The following ABCC5 variants were observed in gnomAD, a reference collection of about 807,000 sequenced individuals.
ABCC5 encodes ATP binding cassette subfamily C member 5, also known as ATP-binding cassette sub-family C member 5.
Under a neutral mutation model 160.9 loss-of-function variants are expected in ABCC5, and 61 were observed. The ratio of observed to expected loss-of-function variants is 0.38; its 90% confidence interval spans 0.31 to 0.47. The LOEUF (loss-of-function observed/expected upper bound fraction) is 0.47. Among genes scored for constraint, ABCC5 ranks in the 20% least tolerant of loss-of-function variants. ABCC5 has a pLI of 0.99. For synonymous variants in ABCC5, 666 were observed against 700.6 expected, an observed-to-expected ratio of 0.95 and a Z score of 0.78; for missense variants, 1,308 against 1,813.3, an observed-to-expected ratio of 0.72 and a Z score of 5.06.
At chr3:183,944,599 A>G (rs1714672498) in intron 24 of ABCC5, among the ~76,000 whole-genome samples, 1 of 152,100 alleles carries the variant, frequency 6.6e-6, no homozygotes, top group African/African-American at 2.4e-5. Flanking sequence ...GAATCTAACT[A>G]CTCATGATGC....
chr3:183,952,039 T>C lies in ABCC5; in HGVS notation c.2668-36A>G, dbSNP rs202111223. On this transcript the variant is annotated intron_variant, in intron 18 of 29. Transcript: ENST00000334444. ...CCAAAGTTCTATGAGGCCAGACTCC[T>C]AACGACTGCCAAGAGCCCCTGCTCA... The C allele has an allele frequency of 1.5e-4, 239 of 1,588,064 alleles. No homozygotes were observed. In the African/African-American group the frequency reaches 2.9e-3, roughly 19 times the overall value.
rs759010023 is a variant in ABCC5, at chr3:183,977,548, G to T, written c.1373C>A (p.Ser458Ter). The T allele has an allele frequency of 6.2e-7, 1 of 1,614,060 alleles. No homozygotes were observed. The highest frequency in any genetic ancestry group is 8.5e-7 in the Non-Finnish European group (1 of 1,179,914). Residue 458 changes from serine (S) to a stop codon, truncating the protein, a stop_gained, in exon 10 of 30, where the codon TCA (serine) becomes TAA (stop). Transcript: ENST00000334444. LOFTEE classifies it high-confidence loss of function. Reference sequence around the variant, plus strand: ...TCTGTCAACAGCCACTGAGGCTTCTGAGAGGGACTTTACTGAAAACGGTGT... The same window carrying T: ...TCTGTCAACAGCCACTGAGGCTTCTTAGAGGGACTTTACTGAAAACGGTGT... ...KVTPFSVKSLSEASVAVDRFK... is the reference protein window; with the variant it reads ...KVTPFSVKSL
Position 183,947,364 on chromosome 3 carries a change from G to A in ABCC5, c.3374C>T (p.Pro1125Leu). 1 of 1,613,634 alleles carries A rather than the reference G, an allele frequency of 6.2e-7. No individual in the cohort carries two copies. Among genetic ancestry groups the A allele is most frequent in the Non-Finnish European group, 8.5e-7 (1 of 1,179,736 alleles). ...GATGGCGAGACCCGCATAGGCTGGG[G>A]GAATCTGCCCGTGCATAAGAACGAT... ...LMIVLMHGQI[P>L]PAYAGLAISY... Residue 1125 changes from proline (P) to leucine (L), a missense_variant, in exon 23 of 30, where the codon CCC becomes CTC. Transcript: ENST00000334444.
In ABCC5 at chr3:183,991,779, T is replaced by G. The variant is rs75393197; in HGVS notation, c.130-2396A>C. Among the ~76,000 whole-genome samples, 912 of 152,328 alleles carry G rather than the reference T, an allele frequency of 6.0e-3. 10 individuals are homozygous for G. Among genetic ancestry groups the G allele is most frequent in the African/African-American group, 0.021 (873 of 41,570 alleles). On this transcript the variant is annotated intron_variant, in intron 2 of 29. Coordinates refer to ENST00000334444, the MANE Select transcript of ABCC5 (RefSeq NM_005688.4). ...GGTTAGGGACTACGGCACTTGATAA[T>G]GAGCTGAGGACTGCTGAGATTTAAG...
In ABCC5 at chr3:184,014,242, ACT is replaced by A. The variant is rs755846368; in HGVS notation, c.129+20_129+21del. 12 of 1,604,598 alleles carry A rather than the reference ACT, an allele frequency of 7.5e-6. No individual in the cohort carries two copies. The East Asian group carries it at 2.5e-4, about 33-fold the overall frequency. ...TTTTAGTACAACAAGCAGGTAAGAG[ACT>A]CTTAGGAAAGGAAACTGACCGGTCG... On this transcript the variant is annotated intron_variant, in intron 2 of 29. Coordinates refer to ENST00000334444, the MANE Select transcript of ABCC5 (RefSeq NM_005688.4).
At chr3:183,994,963 T>TCCTCCCA (rs1454730093) in intron 2 of ABCC5, among the ~76,000 whole-genome samples, 2 of 151,476 alleles carry the variant, frequency 1.3e-5, no homozygotes, top group Non-Finnish European at 2.9e-5. Flanking sequence ...GCTCAAGTGA[T>TCCTCCCA]CCTCCCACCT....
chr3:184,002,711 C>G (rs4148572), intron 2 of ABCC5, among the ~76,000 whole-genome samples: 16,948 of 152,240 alleles, frequency 0.11, 1,231 homozygotes, highest in East Asian at 0.34. Context: ...AGGGCTTTTC[C>G]CCTGCACGGA....
At chr3:184,010,266 C>CAAAAAA (rs10541470) in intron 2 of ABCC5, among the ~76,000 whole-genome samples, 3 of 74,480 alleles carry the variant, frequency 4.0e-5, no homozygotes, top group Non-Finnish European at 5.1e-5. Context: ...GACTTCGTCT[C>CAAAAAA]AAAAAAAAAA....
At chr3:183,925,496 T>C (rs946836894) in intron 29 of ABCC5, 59 bp downstream of exon 29, 2 of 1,590,056 alleles carry the variant, frequency 1.3e-6, no homozygotes, top group South Asian at 2.2e-5. Context: ...AGTCCATCCC[T>C]GCCAGGGGCC....
chr3:183,984,052 T>G, intron 5 of ABCC5: 1 of 985,146 alleles, frequency 1.0e-6, no homozygotes, highest in Non-Finnish European at 1.2e-6. Flanking sequence ...TGCAACGGAG[T>G]AGATTCTCTA....
chr3:183,926,988 T>C (rs1712637628), intron 28 of ABCC5, among the ~76,000 whole-genome samples: 1 of 151,406 alleles, frequency 6.6e-6, no homozygotes, highest in East Asian at 1.9e-4. Context: ...GAGGTTGCAG[T>C]GAGCCGAGAT....
At position 183,937,945 on chromosome 3, in the gene ABCC5, G is replaced by A; in HGVS notation, c.3810C>T (p.Leu1270=). The A allele has an allele frequency of 1.9e-6, 3 of 1,614,228 alleles. No individual in the cohort carries two copies. Among genetic ancestry groups the A allele is most frequent in the Middle Eastern group, 1.7e-4 (1 of 6,060 alleles). The part of the protein sequence containing the change: ...DIGLADLRSK[L]SIIPQEPVLF... ...GCACCGGCTCTTGAGGAATGATAGAGAGTTTGCTTCGGAGGTCGGCAAGGC... is the reference window on the plus strand; with the variant it reads ...GCACCGGCTCTTGAGGAATGATAGAAAGTTTGCTTCGGAGGTCGGCAAGGC... Residue 1270 remains leucine (L), a synonymous_variant, in exon 26 of 30, where the codon CTC becomes CTT. Coordinates refer to ENST00000334444, the MANE Select transcript of ABCC5 (RefSeq NM_005688.4).
Position 183,977,908 on chromosome 3 carries a change from A to G in ABCC5, c.1297-284T>C, listed in dbSNP as rs541685201. On this transcript the variant is annotated intron_variant, in intron 9 of 29. Coordinates refer to ENST00000334444, the MANE Select transcript of ABCC5 (RefSeq NM_005688.4). The stretch of plus-strand genomic sequence containing the variant: ...GCTGGGATTACAGGCATGCACCACT[A>G]TGCCCAGCTAATTTTTGTATTTTTA... 3.3e-5 allele frequency among the ~76,000 whole-genome samples: 5 copies of G among 152,216 alleles called. No individual in the cohort carries two copies. The South Asian group carries it at 1.0e-3, about 32-fold the overall frequency.
In ABCC5 at chr3:183,947,382, A is replaced by C. The variant is rs375609688; in HGVS notation, c.3356T>G (p.Leu1119Arg). 8.1e-6 allele frequency: 13 copies of C among 1,613,788 alleles called. No homozygotes were observed. In the African/African-American group the frequency reaches 1.5e-4, roughly 18 times the overall value. The change falls in exon 23 of 30, where the codon CTT becomes CGT. Residue 1119 changes from leucine to arginine, a missense_variant. Transcript: ENST00000334444. Reference sequence around the variant, plus strand: ...GGCTGGGGGAATCTGCCCGTGCATAAGAACGATCATCAGCCCCGTGGTGGT... The same window carrying C: ...GGCTGGGGGAATCTGCCCGTGCATACGAACGATCATCAGCCCCGTGGTGGT... ...LITTTGLMIV[L>R]MHGQIPPAYA...
At chr3:183,991,576 A>G (rs531204225) in intron 2 of ABCC5, among the ~76,000 whole-genome samples, 2 of 152,362 alleles carry the variant, frequency 1.3e-5, no homozygotes, top group East Asian at 3.9e-4. Flanking sequence ...AAGTATCTTT[A>G]GATAACTTCT....
chr3:183,947,175 G>T, intron 23 of ABCC5, 149 bp downstream of exon 23: 2 of 826,526 alleles, frequency 2.4e-6, no homozygotes, highest in Non-Finnish European at 3.5e-6. Context: ...AATCCAGATT[G>T]TTACGGTCAA....
At chr3:184,016,029 A>T (rs1722165936) in intron 1 of ABCC5, among the ~76,000 whole-genome samples, 1 of 152,188 alleles carries the variant, frequency 6.6e-6, no homozygotes, top group Non-Finnish European at 1.5e-5. Flanking sequence ...CACAATATGA[A>T]ATGCCACATC....
intron 29 of ABCC5, among the ~76,000 whole-genome samples, chr3:183,924,210 G>A (rs1458340932): frequency 1.3e-5 from 2 of 151,996 alleles, no homozygotes; most frequent in Non-Finnish European, 2.9e-5. Flanking sequence ...GGTAGAGACG[G>A]CGTTTCGTCA....
At chr3:183,977,414 C>T (rs1368319469) in intron 10 of ABCC5, 103 bp downstream of exon 10, 36 of 763,370 alleles carry the variant, frequency 4.7e-5, no homozygotes, top group Non-Finnish European at 7.4e-5. Context: ...CAAAGCCAAG[C>T]TTAAGCCCAG....
Sources: allele counts gnomAD v4.1 joint callset (sites outside exome capture counted in the v4.1 genomes callset), GRCh38; gene constraint gnomAD v4.1.1; transcripts MANE v1.5; gene names NCBI Gene and HGNC (gene_info 2026-07-23, HGNC 2026-07-21).